The following RGS6 variants were observed in gnomAD, a reference collection of about 807,000 sequenced individuals.
The protein encoded by RGS6 is regulator of G-protein signaling 6.
Under a neutral mutation model 78.5 loss-of-function variants are expected in RGS6, and 30 were observed. That is an observed-to-expected ratio of 0.38 (90% CI 0.29 to 0.52). The LOEUF (loss-of-function observed/expected upper bound fraction) is 0.52. RGS6 is among the 20% of genes least tolerant of loss of function. RGS6 has a pLI of 0.85. For missense variants in RGS6, 495 were observed against 609.7 expected (o/e 0.81, Z 1.98); for synonymous variants, 206 against 206.0 (o/e 1.00, Z 0.00).
At chr14:72,294,786 G>T (rs1251958964) in intron 2 of RGS6, among the ~76,000 whole-genome samples, 1 of 151,882 alleles carries the variant, frequency 6.6e-6, no homozygotes, top group Non-Finnish European at 1.5e-5. Context: ...GCACCAAAGG[G>T]GTGGTGCTAA....
At chr14:72,243,592 T>C (rs1567562073) in intron 2 of RGS6, among the ~76,000 whole-genome samples, 1 of 152,222 alleles carries the variant, frequency 6.6e-6, no homozygotes. Context: ...CATAAATCAC[T>C]TGGTGAAAGG....
At chr14:72,161,344 C>T (rs2153661149) in intron 2 of RGS6, among the ~76,000 whole-genome samples, 1 of 152,188 alleles carries the variant, frequency 6.6e-6, no homozygotes, top group African/African-American at 2.4e-5. Flanking sequence ...TGTAAGAAAC[C>T]TGCATGTTCT....
At chr14:72,473,317 A>G (rs975169684) in intron 9 of RGS6, among the ~76,000 whole-genome samples, 4 of 152,110 alleles carry the variant, frequency 2.6e-5, no homozygotes, top group Admixed American at 6.5e-5. Flanking sequence ...GGTGGCAGGC[A>G]CCTGTAGTCC....
intron 2 of RGS6, among the ~76,000 whole-genome samples, chr14:72,138,460 T>G (rs1246289756): frequency 1.3e-5 from 2 of 150,018 alleles, no homozygotes; most frequent in Non-Finnish European, 3.0e-5. Context: ...TTTTTTTTTT[T>G]TTTTTTTTTT....
the RGS6 span, among the ~76,000 whole-genome samples, chr14:72,622,098 G>T: frequency 3.9e-5 from 6 of 152,338 alleles, no homozygotes; most frequent in Non-Finnish European, 7.4e-5. Context: ...TGTCTTCATG[G>T]AGAAGTGTCC....
the RGS6 span, among the ~76,000 whole-genome samples, chr14:71,908,887 C>G: frequency 6.6e-6 from 1 of 152,134 alleles, no homozygotes; most frequent in Non-Finnish European, 1.5e-5. Context: ...TATTTATGGT[C>G]TGAAAATAAC....
intron 2 of RGS6, among the ~76,000 whole-genome samples, chr14:72,289,992 G>A (rs2238208): frequency 0.058 from 8,775 of 152,230 alleles, 414 homozygotes; most frequent in East Asian, 0.29. Flanking sequence ...AAGAAAATTG[G>A]CATTTAAAAT....
chr14:72,421,415 G>A (rs1011687612), intron 3 of RGS6, among the ~76,000 whole-genome samples: 4 of 152,150 alleles, frequency 2.6e-5, no homozygotes, highest in African/African-American at 9.7e-5. Context: ...GTATTGAAAT[G>A]TCTTACACCC....
In RGS6 at chr14:72,163,244, A is replaced by T. The variant is rs948549875; in HGVS notation, c.85-188851A>T. On this transcript the variant is annotated intron_variant, in intron 2 of 17. Transcript: ENST00000553525. ...AAAAATAAAATAAAATCTTTATAAG[A>T]CTACTGTACCTGTTAGAGCCTCCTT... Among the ~76,000 whole-genome samples, 3 of 152,388 alleles carry T rather than the reference A, an allele frequency of 2.0e-5. No individual in the cohort carries two copies. In the South Asian group the frequency reaches 6.2e-4, roughly 32 times the overall value.
chr14:72,252,155 G>A (rs926516872), intron 2 of RGS6, among the ~76,000 whole-genome samples: 1 of 152,194 alleles, frequency 6.6e-6, no homozygotes. Context: ...GTTAAGGAAT[G>A]CAAATCTGCA....
chr14:72,401,742 C>T (rs2092427496), intron 3 of RGS6, among the ~76,000 whole-genome samples: 2 of 151,068 alleles, frequency 1.3e-5, no homozygotes, highest in African/African-American at 4.9e-5. Flanking sequence ...GAGAAAGAAA[C>T]ATAAAGCATC....
chr14:72,481,060 A>G (rs1377242030), intron 12 of RGS6, among the ~76,000 whole-genome samples: 2 of 152,076 alleles, frequency 1.3e-5, no homozygotes, highest in Non-Finnish European at 2.9e-5. Flanking sequence ...TGGGTCTGAA[A>G]CCGACCATCG....
intron 2 of RGS6, among the ~76,000 whole-genome samples, chr14:72,088,872 TGCAAGACCTTG>T (rs1366222303): frequency 3.3e-5 from 5 of 152,220 alleles, no homozygotes; most frequent in African/African-American, 1.2e-4. Flanking sequence ...TCATTCCCTC[TGCAAGACCTTG>T]GCATATGCCA....
At chr14:72,469,207 C>CT (rs11300461) in intron 7 of RGS6, among the ~76,000 whole-genome samples, 1,395 of 139,438 alleles carry the variant, frequency 0.01, 20 homozygotes, top group African/African-American at 0.028. Flanking sequence ...GTTTGGGGCA[C>CT]TTTTTTTTTT....
At position 72,079,179 on chromosome 14, in the gene RGS6, T is replaced by C. The variant is rs543286601; in HGVS notation, c.84+114304T>C. Reference sequence around the variant, plus strand: ...TAGAGGGCCTTTGTGCCTTTTTTTTTTCCCCCTATTTCTTCCTTGAAAATT... The same window carrying C: ...TAGAGGGCCTTTGTGCCTTTTTTTTCTCCCCCTATTTCTTCCTTGAAAATT... On this transcript the variant is annotated intron_variant, in intron 2 of 17. Transcript: ENST00000553525. Among the ~76,000 whole-genome samples, 6 of 152,142 alleles carry C rather than the reference T, an allele frequency of 3.9e-5. No individual in the cohort carries two copies. In the East Asian group the frequency reaches 1.2e-3, roughly 29 times the overall value.
At chr14:72,550,268 A>G (rs979794007) in intron 17 of RGS6, among the ~76,000 whole-genome samples, 4 of 152,172 alleles carry the variant, frequency 2.6e-5, no homozygotes, top group African/African-American at 9.7e-5. Context: ...ATGTTCTCTC[A>G]GATACTCCAT....
At chr14:72,176,838 A>G (rs886325455) in intron 2 of RGS6, among the ~76,000 whole-genome samples, 2 of 152,152 alleles carry the variant, frequency 1.3e-5, no homozygotes, top group Admixed American at 1.3e-4. Flanking sequence ...CGCCCATGTA[A>G]TGTTCACTTA....
At chr14:72,488,306 C>A (rs1373724042) in intron 12 of RGS6, among the ~76,000 whole-genome samples, 1 of 152,080 alleles carries the variant, frequency 6.6e-6, no homozygotes, top group Non-Finnish European at 1.5e-5. Context: ...TTGCCTAGAC[C>A]TTTTTTAGAG....
At chr14:72,510,435 A>G (rs181938379) in intron 14 of RGS6, among the ~76,000 whole-genome samples, 156 bp downstream of exon 14, 1 of 152,366 alleles carries the variant, frequency 6.6e-6, no homozygotes, top group African/African-American at 2.4e-5. Flanking sequence ...AGAACAAATT[A>G]AAATATGTAA....
Sources: allele counts gnomAD v4.1 joint callset (sites outside exome capture counted in the v4.1 genomes callset), GRCh38; gene constraint gnomAD v4.1.1; transcripts MANE v1.5; gene names NCBI Gene and HGNC (gene_info 2026-07-23, HGNC 2026-07-21).